The following PDE11A variants were observed in gnomAD, a reference collection of about 807,000 sequenced individuals.
PDE11A encodes dual 3',5'-cyclic-AMP and -GMP phosphodiesterase 11A.
A neutral mutation model predicts 100.5 loss-of-function variants in PDE11A; 100 were observed. The ratio of observed to expected loss-of-function variants is 1.00; its 90% CI spans 0.85 to 1.18. PDE11A has a LOEUF of 1.18. PDE11A is among the 50% of genes most tolerant of loss of function. The pLI is 0.00. For missense variants in PDE11A, 1,141 were observed against 1,152.6 expected (o/e 0.99, Z 0.15); for synonymous variants, 381 against 420.8 (o/e 0.91, Z 1.16).
At chr2:177,888,778 G>T in intron 4 of PDE11A, 1 of 299,262 alleles carries the variant, frequency 3.3e-6, no homozygotes, top group Non-Finnish European at 4.9e-6. Context: ...ACAGAAAAGG[G>T]ATATATTTCC....
In PDE11A at chr2:177,786,083, C is replaced by T. The variant is rs568817670; in HGVS notation, c.1738-16710G>A. ...AGATCTGAGAACGGGCAGACTGCCTCGTCAAGTGGGTCCCTGACCCCTGAC... is the reference window on the plus strand; with the variant it reads ...AGATCTGAGAACGGGCAGACTGCCTTGTCAAGTGGGTCCCTGACCCCTGAC... On this transcript the variant is annotated intron_variant, in intron 9 of 19. Coordinates refer to ENST00000286063, the MANE Select transcript of PDE11A (RefSeq NM_016953.4). Among the ~76,000 whole-genome samples the T allele has an allele frequency of 9.2e-5, 14 of 152,278 alleles. No homozygotes were observed. The South Asian group carries it at 2.5e-3, about 27-fold the overall frequency.
intron 19 of PDE11A, among the ~76,000 whole-genome samples, chr2:177,635,055 C>T (rs1231153519): frequency 6.6e-6 from 1 of 152,194 alleles, no homozygotes; most frequent in African/African-American, 2.4e-5. Context: ...ATCCCTGCTG[C>T]GTGACCACAC....
intron 9 of PDE11A, among the ~76,000 whole-genome samples, chr2:177,803,187 G>A (rs944399718): frequency 6.6e-6 from 1 of 151,734 alleles, no homozygotes; most frequent in Non-Finnish European, 1.5e-5. Flanking sequence ...TAGAAGCTCA[G>A]ATAGAATAAG....
intron 19 of PDE11A, among the ~76,000 whole-genome samples, chr2:177,641,933 A>G (rs938538384): frequency 1.3e-5 from 2 of 152,202 alleles, no homozygotes; most frequent in Non-Finnish European, 2.9e-5. Context: ...ACTACCAGGT[A>G]TGTGCATTAT....
intron 10 of PDE11A, among the ~76,000 whole-genome samples, chr2:177,737,465 G>A: frequency 1.1e-5 from 1 of 90,304 alleles, no homozygotes; most frequent in Admixed American, 1.3e-4. Flanking sequence ...GCCAGGCGTG[G>A]TGGTGGGTGC....
At chr2:177,681,488 T>C (rs1438382798) in intron 15 of PDE11A, among the ~76,000 whole-genome samples, 1 of 152,172 alleles carries the variant, frequency 6.6e-6, no homozygotes, top group Non-Finnish European at 1.5e-5. Context: ...CCTCTGAGTC[T>C]CAATTTCTTA....
chr2:178,074,139 G>A (rs998389818), upstream of PDE11A, among the ~76,000 whole-genome samples: 1 of 152,044 alleles, frequency 6.6e-6, no homozygotes, highest in African/African-American at 2.4e-5. Flanking sequence ...ACCACATAGT[G>A]TAAAATTTCA....
intron 2 of PDE11A, among the ~76,000 whole-genome samples, chr2:178,008,722 C>T (rs982483502): frequency 6.6e-6 from 1 of 152,170 alleles, no homozygotes. Flanking sequence ...TAGCATCATT[C>T]AGGCACCATC....
intron 10 of PDE11A, among the ~76,000 whole-genome samples, chr2:177,739,829 T>C (rs1027556014): frequency 6.6e-6 from 1 of 152,208 alleles, no homozygotes; most frequent in Non-Finnish European, 1.5e-5. Flanking sequence ...TAAAAGCACA[T>C]GAAGCATTAT....
Position 178,049,251 on chromosome 2 carries a change from A to G in PDE11A, c.912+22275T>C, listed in dbSNP as rs146104024. Among the ~76,000 whole-genome samples the G allele has an allele frequency of 2.6e-4, 39 of 152,326 alleles. No individual in the cohort carries two copies. The East Asian group carries it at 7.1e-3, about 28-fold the overall frequency. Reference sequence around the variant, plus strand: ...TTGGAGAAAAGTGAACAGATTTGAGATGGTTTTACAAGTAACTCAAAAGAA... The same window carrying G: ...TTGGAGAAAAGTGAACAGATTTGAGGTGGTTTTACAAGTAACTCAAAAGAA... On this transcript the variant is annotated intron_variant, in intron 1 of 19. Coordinates refer to ENST00000286063, the MANE Select transcript of PDE11A (RefSeq NM_016953.4).
rs112536715 is a variant in PDE11A at position 177,784,113 on chromosome 2, C to T, written c.1738-14740G>A. ...AGATGAAACCTCTGTCCCTCTACAA[C>T]CTTTTAGGATTAAGGAAGAGTGCAC... is the stretch of plus-strand genomic sequence containing the variant. On this transcript the variant is annotated intron_variant, in intron 9 of 19. Transcript: ENST00000286063. Among the ~76,000 whole-genome samples, 1,440 of 151,636 alleles carry T rather than the reference C, an allele frequency of 9.5e-3. 15 individuals carry two copies. Among genetic ancestry groups the T allele is most frequent in the South Asian group, 0.028 (133 of 4,780 alleles).
intron 19 of PDE11A, among the ~76,000 whole-genome samples, chr2:177,654,756 T>C (rs976446116): frequency 2.6e-5 from 4 of 152,206 alleles, no homozygotes; most frequent in African/African-American, 9.7e-5. Context: ...TTTTCTTTAC[T>C]GTTCTCATTT....
At chr2:178,062,722 C>T (rs2086988448) in intron 1 of PDE11A, among the ~76,000 whole-genome samples, 1 of 152,126 alleles carries the variant, frequency 6.6e-6, no homozygotes, top group Non-Finnish European at 1.5e-5. Context: ...AAAGGAGTAC[C>T]ATTTAATTTT....
intron 10 of PDE11A, among the ~76,000 whole-genome samples, chr2:177,748,884 T>C (rs561765433): frequency 1.3e-5 from 2 of 152,312 alleles, no homozygotes; most frequent in East Asian, 1.9e-4. Context: ...TAGTTTGTCA[T>C]TGAATATGAT....
At chr2:177,772,713 T>TAAA (rs58575142) in intron 9 of PDE11A, among the ~76,000 whole-genome samples, 14,371 of 141,356 alleles carry the variant, frequency 0.1, 794 homozygotes, top group East Asian at 0.22. Flanking sequence ...TTCCTTTATT[T>TAAA]AAAAAAAAAA....
At chr2:177,910,412 G>C (rs1221440361) in intron 2 of PDE11A, among the ~76,000 whole-genome samples, 4 of 145,932 alleles carry the variant, frequency 2.7e-5, no homozygotes, top group African/African-American at 7.6e-5. Flanking sequence ...CTCTCTCTCT[G>C]TCTCTCTCTC....
In PDE11A at chr2:178,078,455, G is replaced by C. The variant is rs543110395; in HGVS notation, c.162+25847C>G. ...TCAATTTAGAAATTGAAAGCACTCT[G>C]AGCCAGAAGCCCACCTATAGTTGTA... On this transcript the variant is annotated intron_variant, in intron 2 of 20. Transcript: ENST00000358450. Among the ~76,000 whole-genome samples, 5 of 66,244 alleles carry C rather than the reference G, an allele frequency of 7.5e-5. No homozygotes were observed. The South Asian group carries it at 3.8e-3, about 51-fold the overall frequency. 43.5% of individuals were successfully genotyped at this position (66,244 alleles called of 152,430 possible).
Position 177,774,654 on chromosome 2 carries a change from G to A in PDE11A, c.1738-5281C>T, listed in dbSNP as rs560047300. Among the ~76,000 whole-genome samples, 5 of 152,236 alleles carry A rather than the reference G, an allele frequency of 3.3e-5. 1 individual carries two copies. The highest frequency in any genetic ancestry group is 4.2e-4 in the South Asian group (2 of 4,816). On this transcript the variant is annotated intron_variant, in intron 9 of 19. Coordinates refer to ENST00000286063, the MANE Select transcript of PDE11A (RefSeq NM_016953.4). The stretch of plus-strand genomic sequence containing the variant: ...CACTCTCATGGCTTTATACACCATC[G>A]TTGTGTTGATAACTTTCAAATCTCT...
chr2:177,848,289 T>C (rs1216112049), intron 5 of PDE11A, among the ~76,000 whole-genome samples: 6 of 152,194 alleles, frequency 3.9e-5, no homozygotes, highest in Non-Finnish European at 5.9e-5. Flanking sequence ...AGTAAAAATA[T>C]ATTGATATAA....
Sources: gnomAD v4.1 joint callset for allele counts (sites outside exome capture counted in the v4.1 genomes callset) on GRCh38, gnomAD v4.1.1 for gene constraint, MANE v1.5 for transcripts, NCBI Gene and HGNC (gene_info 2026-07-23, HGNC 2026-07-21) for gene names.